Variants in GSK3B observed in about 807,000 individuals in gnomAD.
GSK3B encodes glycogen synthase kinase-3 beta.
In GSK3B, 15 loss-of-function variants were observed where a neutral mutation model predicts 56.4. The ratio of observed to expected loss-of-function variants is 0.27; its 90% CI spans 0.18 to 0.41. GSK3B has a LOEUF of 0.41. Among genes scored for constraint, GSK3B ranks in the 10% least tolerant of loss-of-function variants. The probability of loss-of-function intolerance (pLI) is 1.00; values close to 1 mark genes in which losing one functional copy is unlikely to be tolerated. For missense variants in GSK3B, 300 were observed against 513.4 expected, an observed-to-expected ratio of 0.58 and a Z score of 4.02; for synonymous variants, 181 against 188.9, an observed-to-expected ratio of 0.96 and a Z score of 0.34.
At chr3:119,991,300 C>T (rs1015808353) in intron 2 of GSK3B, among the ~76,000 whole-genome samples, 5 of 152,024 alleles carry the variant, frequency 3.3e-5, no homozygotes, top group Non-Finnish European at 5.9e-5. Flanking sequence ...TTCCAAACTG[C>T]CCAAGTTAAG....
chr3:119,916,546 C>G lies in GSK3B; in HGVS notation c.478-372G>C, dbSNP rs4072520. On this transcript the variant is annotated intron_variant, in intron 4 of 10. Coordinates refer to ENST00000264235, the MANE Select transcript of GSK3B (RefSeq NM_001146156.2). Reference sequence around the variant, plus strand: ...AGAGGCACCCCAAATCATGAATAATCAGTAACTTTGGGCCAGAAACCAGGT... The same window carrying G: ...AGAGGCACCCCAAATCATGAATAATGAGTAACTTTGGGCCAGAAACCAGGT... 2.4e-3 allele frequency among the ~76,000 whole-genome samples: 361 copies of G among 152,078 alleles called. 2 individuals carry two copies. Among genetic ancestry groups the G allele is most frequent in the African/African-American group, 8.2e-3 (339 of 41,448 alleles).
chr3:119,837,321 A>AT (rs58821918), intron 10 of GSK3B, among the ~76,000 whole-genome samples: 12,643 of 130,114 alleles, frequency 0.097, 720 homozygotes, highest in Middle Eastern at 0.14. Flanking sequence ...CGCCCGGCTA[A>AT]TTTTTTTTTT....
chr3:119,920,898 C>T (rs552975554), intron 4 of GSK3B, among the ~76,000 whole-genome samples: 2 of 152,268 alleles, frequency 1.3e-5, no homozygotes, highest in Non-Finnish European at 2.9e-5. Flanking sequence ...TATTTCCTAG[C>T]TCTGTTCGCT....
At chr3:120,024,996 A>C (rs1451475514) in intron 1 of GSK3B, among the ~76,000 whole-genome samples, 1 of 152,174 alleles carries the variant, frequency 6.6e-6, no homozygotes, top group Non-Finnish European at 1.5e-5. Context: ...TAGACTCACT[A>C]ATCTACCTGG....
chr3:119,971,768 C>T lies in GSK3B; in HGVS notation c.283-24417G>A, dbSNP rs562368580. On this transcript the variant is annotated intron_variant, in intron 2 of 10. Coordinates refer to ENST00000264235, the MANE Select transcript of GSK3B (RefSeq NM_001146156.2). Reference sequence around the variant, plus strand: ...CTGGGACTACAGGCGCCCGCCACTACGCCCGGCTAATTTTTTGTATTTTTA... The same window carrying T: ...CTGGGACTACAGGCGCCCGCCACTATGCCCGGCTAATTTTTTGTATTTTTA... 9.7e-4 allele frequency among the ~76,000 whole-genome samples: 145 copies of T among 149,850 alleles called. 1 individual carries two copies. Among genetic ancestry groups the T allele is most frequent in the African/African-American group, 2.8e-3 (116 of 40,856 alleles).
Position 119,862,540 on chromosome 3 carries a change from A to G in GSK3B, c.1096+879T>C, listed in dbSNP as rs563826869. Among the ~76,000 whole-genome samples, 1,101 of 149,284 alleles carry G rather than the reference A, an allele frequency of 7.4e-3. 14 individuals are homozygous for G. The highest frequency in any genetic ancestry group is 0.023 in the African/African-American group (945 of 40,882). On this transcript the variant is annotated intron_variant, in intron 9 of 10. Transcript: ENST00000264235. ...AGAGTATAATAAAAAAAAAAAAAAA[A>G]AAAGAAAGATATGATACATATGAAT...
intron 3 of GSK3B, among the ~76,000 whole-genome samples, chr3:119,929,850 G>A (rs2056925762): frequency 6.6e-6 from 1 of 150,676 alleles, no homozygotes; most frequent in Non-Finnish European, 1.5e-5. Context: ...GCTCTGAGCT[G>A]AGATCACGCC....
rs142967033 is a variant in GSK3B at position 120,065,727 on chromosome 3, A to C, written c.88+27620T>G. Among the ~76,000 whole-genome samples, 8 of 152,356 alleles carry C rather than the reference A, an allele frequency of 5.3e-5. No individual in the cohort carries two copies. The East Asian group carries it at 1.5e-3, about 29-fold the overall frequency. On this transcript the variant is annotated intron_variant, in intron 1 of 10. Transcript: ENST00000264235. ...AAATGAAAATGTCCATCAACTGAAT[A>C]AACAAAATGTAATATATGCATACAA...
At chr3:119,954,443 CG>C (rs1559851509) in intron 2 of GSK3B, among the ~76,000 whole-genome samples, 1 of 151,848 alleles carries the variant, frequency 6.6e-6, no homozygotes. Flanking sequence ...TTCTGTGCAT[CG>C]GGCTGCAATG....
intron 7 of GSK3B, among the ~76,000 whole-genome samples, chr3:119,882,772 G>A (rs762281451): frequency 9.2e-5 from 14 of 151,974 alleles, no homozygotes; most frequent in Non-Finnish European, 1.6e-4. Flanking sequence ...CCTTTATAAA[G>A]ATTAATACAC....
intron 9 of GSK3B, among the ~76,000 whole-genome samples, chr3:119,854,128 A>G (rs1417561970): frequency 6.6e-6 from 1 of 152,202 alleles, no homozygotes; most frequent in African/African-American, 2.4e-5. Flanking sequence ...TTTAGCATGA[A>G]GGTCTGTTGA....
At chr3:119,879,534 TTTAA>T (rs916245159) in intron 7 of GSK3B, among the ~76,000 whole-genome samples, 5 of 152,164 alleles carry the variant, frequency 3.3e-5, no homozygotes, top group Admixed American at 2.0e-4. Flanking sequence ...TTTTTCGATA[TTTAA>T]TTAAATTATT....
intron 1 of GSK3B, among the ~76,000 whole-genome samples, chr3:120,048,833 C>T (rs2058124624): frequency 6.6e-6 from 1 of 152,172 alleles, no homozygotes; most frequent in Admixed American, 6.5e-5. Flanking sequence ...TGACTCTGCC[C>T]TATGTTAATA....
At chr3:120,020,176 C>A (rs2057863944) in intron 1 of GSK3B, among the ~76,000 whole-genome samples, 1 of 152,090 alleles carries the variant, frequency 6.6e-6, no homozygotes, top group African/African-American at 2.4e-5. Flanking sequence ...AATAAAATAG[C>A]AGGTAATAAC....
intron 2 of GSK3B, among the ~76,000 whole-genome samples, chr3:119,986,609 AAC>A (rs2107460223): frequency 1.3e-5 from 2 of 152,324 alleles, no homozygotes; most frequent in Admixed American, 1.3e-4. Flanking sequence ...TCATCAGAGA[AAC>A]ACAAATCAAA....
At chr3:119,980,488 G>A (rs145380425) in intron 2 of GSK3B, among the ~76,000 whole-genome samples, 2,746 of 152,152 alleles carry the variant, frequency 0.018, 91 homozygotes, top group African/African-American at 0.063. Flanking sequence ...AAGTAGCTGG[G>A]ATTACAGGCA....
At chr3:120,065,459 A>T (rs2058270695) in intron 1 of GSK3B, among the ~76,000 whole-genome samples, 1 of 152,190 alleles carries the variant, frequency 6.6e-6, no homozygotes, top group Non-Finnish European at 1.5e-5. Flanking sequence ...ATCAAAAAAT[A>T]GAAATAAGGC....
intron 10 of GSK3B, among the ~76,000 whole-genome samples, chr3:119,842,483 T>C (rs1042503395): frequency 2.4e-4 from 37 of 152,300 alleles, no homozygotes; most frequent in African/African-American, 8.2e-4. Context: ...AGTATACTAC[T>C]GCAATTTACA....
At chr3:119,842,717 G>C (rs945412051) in intron 10 of GSK3B, among the ~76,000 whole-genome samples, 2 of 151,998 alleles carry the variant, frequency 1.3e-5, no homozygotes, top group African/African-American at 4.8e-5. Flanking sequence ...TAAGATGACA[G>C]AATTTAACAT....
Sources: allele counts gnomAD v4.1 joint callset (sites outside exome capture counted in the v4.1 genomes callset), GRCh38; gene constraint gnomAD v4.1.1; transcripts MANE v1.5; gene names NCBI Gene and HGNC (gene_info 2026-07-23, HGNC 2026-07-21).